Variants in HLCS observed in about 807,000 individuals in gnomAD.
HLCS encodes holocarboxylase synthetase.
In HLCS, 53 loss-of-function variants were observed where a neutral mutation model predicts 75.0. The observed-to-expected ratio is 0.71, with a 90% CI of 0.57 to 0.89. The LOEUF is 0.89. Ranked by LOEUF, HLCS falls within the 40% of genes least tolerant of loss-of-function variation. The probability of loss-of-function intolerance (pLI) is 0.00; values close to 1 mark genes in which losing one functional copy is unlikely to be tolerated. For missense variants in HLCS, 966 were observed against 1,074.0 expected, an observed-to-expected ratio of 0.90 and a Z score of 1.41; for synonymous variants, 431 against 428.6, an observed-to-expected ratio of 1.01 and a Z score of -0.07.
intron 5 of HLCS, among the ~76,000 whole-genome samples, chr21:36,914,676 C>T (rs939515899): frequency 2.0e-5 from 3 of 152,212 alleles, no homozygotes; most frequent in African/African-American, 4.8e-5. Context: ...ACTGTAGAAG[C>T]GGAATCTATT....
At chr21:36,988,023 T>C (rs1250932955) in intron 1 of HLCS, among the ~76,000 whole-genome samples, 1 of 152,204 alleles carries the variant, frequency 6.6e-6, no homozygotes, top group Non-Finnish European at 1.5e-5. Flanking sequence ...TTCACTTCTG[T>C]TTGTATTCAA....
chr21:36,767,896 T>C (rs2090096682), intron 6 of HLCS, among the ~76,000 whole-genome samples: 1 of 152,144 alleles, frequency 6.6e-6, no homozygotes, highest in Non-Finnish European at 1.5e-5. Context: ...GCTTTTAAAA[T>C]GGTTTCATTG....
Position 36,888,469 on chromosome 21 carries a change from TATATATATATATATATATATATATA to T in HLCS, c.1892+8366_1892+8390del, listed in dbSNP as rs1569149750. Among the ~76,000 whole-genome samples, 51 of 101,162 alleles carry T rather than the reference TATATATATATATATATATATATATA, an allele frequency of 5.0e-4. 2 individuals are homozygous for T. Among genetic ancestry groups the T allele is most frequent in the African/African-American group, 2.1e-3 (51 of 24,352 alleles). The allele number at this position is 101,162 out of a possible 152,430, so 66.4% of individuals were successfully genotyped here. A position where few individuals can be genotyped will look rare whatever the true frequency, so the allele number is the denominator to read the frequency against. ...AAATATATATATATATATATATATATATATATATATATATATATATATATATATTTATTTATTTATTTTATGGGAT... is the reference window on the plus strand; with the variant it reads ...AAATATATATATATATATATATATATTATTTATTTATTTATTTTATGGGAT... On this transcript the variant is annotated intron_variant, in intron 6 of 10. Coordinates refer to ENST00000674895, the MANE Select transcript of HLCS (RefSeq NM_001352514.2).
intron 6 of HLCS, among the ~76,000 whole-genome samples, chr21:36,873,125 T>G (rs2063828814): frequency 6.6e-6 from 1 of 152,134 alleles, no homozygotes; most frequent in Non-Finnish European, 1.5e-5. Flanking sequence ...TCTTCTTTTT[T>G]TTTGTTTGTT....
chr21:36,945,596 G>C (rs1005270986), intron 2 of HLCS, among the ~76,000 whole-genome samples: 1 of 152,180 alleles, frequency 6.6e-6, no homozygotes, highest in Non-Finnish European at 1.5e-5. Flanking sequence ...TTTACATGAA[G>C]TATCTAAAAT....
In HLCS at chr21:36,835,431, A is replaced by G. The variant is rs1439328168; in HGVS notation, c.1892+61429T>C. 2.6e-5 allele frequency among the ~76,000 whole-genome samples: 4 copies of G among 152,270 alleles called. No individual in the cohort carries two copies. The East Asian group carries it at 7.7e-4, about 29-fold the overall frequency. On this transcript the variant is annotated intron_variant, in intron 6 of 10. Coordinates refer to ENST00000674895, the MANE Select transcript of HLCS (RefSeq NM_001352514.2). ...AGCAGTAAGATGAAATCCAGAGCAT[A>G]TGTCAAAGCTGGACTATGAAGTCAT...
intron 6 of HLCS, among the ~76,000 whole-genome samples, chr21:36,775,885 G>T (rs530104414): frequency 6.6e-6 from 1 of 152,308 alleles, no homozygotes; most frequent in Non-Finnish European, 1.5e-5. Flanking sequence ...GCAGGCACCA[G>T]GTAGATGTTT....
intron 6 of HLCS, among the ~76,000 whole-genome samples, chr21:36,878,666 C>T (rs1386070586): frequency 6.6e-6 from 1 of 152,004 alleles, no homozygotes; most frequent in African/African-American, 2.4e-5. Flanking sequence ...TTAGGACTCC[C>T]GTTATAGCTT....
chr21:36,827,388 G>T (rs557056174), intron 6 of HLCS, among the ~76,000 whole-genome samples: 1 of 151,928 alleles, frequency 6.6e-6, no homozygotes, highest in African/African-American at 2.4e-5. Flanking sequence ...GGCCAACATG[G>T]TGAAACCCCG....
In HLCS at chr21:36,836,526, T is replaced by C. The variant is rs1041662228; in HGVS notation, c.1892+60334A>G. On this transcript the variant is annotated intron_variant, in intron 6 of 10. Coordinates refer to ENST00000674895, the MANE Select transcript of HLCS (RefSeq NM_001352514.2). ...CCCTTCCTGTGTCCATGTGTTCTCA[T>C]TGTTCAATTCCCTGCACAGCAAAAG... 6.5e-5 allele frequency among the ~76,000 whole-genome samples: 9 copies of C among 138,040 alleles called. No homozygotes were observed. The South Asian group carries it at 1.1e-3, about 18-fold the overall frequency. The allele number at this position is 138,040 out of a possible 152,430, so 90.6% of individuals were successfully genotyped here. A position where few individuals can be genotyped will look rare whatever the true frequency, so the allele number is the denominator to read the frequency against.
At chr21:36,871,302 C>T (rs1440417478) in intron 6 of HLCS, among the ~76,000 whole-genome samples, 5 of 152,070 alleles carry the variant, frequency 3.3e-5, no homozygotes, top group African/African-American at 1.2e-4. Context: ...ACTTAGAGTA[C>T]CCCAATACCT....
chr21:36,818,999 T>C (rs1482688479), intron 6 of HLCS, among the ~76,000 whole-genome samples: 1 of 152,130 alleles, frequency 6.6e-6, no homozygotes, highest in East Asian at 1.9e-4. Context: ...CGACAAATTA[T>C]AAAGCAACGT....
chr21:36,761,889 CGCCACGTGCGTGGCAGCTGGT>C (rs1182061793), intron 8 of HLCS, among the ~76,000 whole-genome samples: 2 of 152,192 alleles, frequency 1.3e-5, no homozygotes, highest in Non-Finnish European at 2.9e-5. Flanking sequence ...CAAGCTCCTC[CGCCACGTGCGTGGCAGCTGGT>C]GCCTGGGCGG....
At chr21:36,757,897 C>T (rs1212304345) in intron 9 of HLCS, among the ~76,000 whole-genome samples, 2 of 152,150 alleles carry the variant, frequency 1.3e-5, no homozygotes, top group Non-Finnish European at 2.9e-5. Context: ...AAAATTCTCC[C>T]GTGTTCAGAA....
At chr21:36,768,669 C>A (rs565027592) in intron 6 of HLCS, among the ~76,000 whole-genome samples, 1 of 152,214 alleles carries the variant, frequency 6.6e-6, no homozygotes, top group Non-Finnish European at 1.5e-5. Context: ...ACGCTTTCGG[C>A]GAGCAGGCTG....
At chr21:36,763,048 C>A (rs1422288978) in intron 8 of HLCS, among the ~76,000 whole-genome samples, 1 of 152,026 alleles carries the variant, frequency 6.6e-6, no homozygotes, top group Non-Finnish European at 1.5e-5. Flanking sequence ...TTTTTTGATA[C>A]GAGTCTCACT....
chr21:36,891,158 G>A (rs1464222866), intron 6 of HLCS, among the ~76,000 whole-genome samples: 1 of 152,154 alleles, frequency 6.6e-6, no homozygotes, highest in Non-Finnish European at 1.5e-5. Flanking sequence ...TTGAAGAATG[G>A]GGATGTAGCT....
intron 6 of HLCS, among the ~76,000 whole-genome samples, chr21:36,772,553 C>T (rs1248796852): frequency 6.8e-6 from 1 of 147,704 alleles, no homozygotes; most frequent in African/African-American, 2.5e-5. Context: ...ATGGGAGGAT[C>T]ACTTGAGGCA....
chr21:36,858,466 C>T (rs929611853), intron 6 of HLCS, among the ~76,000 whole-genome samples: 5 of 152,136 alleles, frequency 3.3e-5, no homozygotes, highest in Admixed American at 6.5e-5. Flanking sequence ...TGGGGGGAAA[C>T]GATTGAAACA....
Sources: allele counts gnomAD v4.1 joint callset (sites outside exome capture counted in the v4.1 genomes callset), GRCh38; gene constraint gnomAD v4.1.1; transcripts MANE v1.5; gene names NCBI Gene and HGNC (gene_info 2026-07-23, HGNC 2026-07-21).